The following MTAP variants were observed in gnomAD, a reference collection of about 807,000 sequenced individuals.
The protein encoded by MTAP is S-methyl-5'-thioadenosine phosphorylase.
In MTAP, 33 loss-of-function variants were observed where a neutral mutation model predicts 33.6. That is an observed-to-expected ratio of 0.98 (90% CI 0.74 to 1.31). The LOEUF is 1.31. MTAP is among the 40% of genes most tolerant of loss of function. MTAP has a pLI of 0.00. For synonymous variants in MTAP, 148 were observed against 125.7 expected (o/e 1.18, Z -1.19); for missense variants, 367 against 360.0 (o/e 1.02, Z -0.16).
At chr9:21,894,905 C>T (rs1000677890) in intron 1 of MTAP, among the ~76,000 whole-genome samples, 6 of 151,808 alleles carry the variant, frequency 4.0e-5, no homozygotes, top group Non-Finnish European at 7.4e-5. Context: ...AGAGCCAAAT[C>T]GTGAATGCAG....
At chr9:21,853,777 G>A (rs576562922) in intron 5 of MTAP, among the ~76,000 whole-genome samples, 2 of 152,152 alleles carry the variant, frequency 1.3e-5, no homozygotes, top group African/African-American at 2.4e-5. Flanking sequence ...TGAATTATGC[G>A]ATATCATTAT....
chr9:21,859,463 ACT>A, intron 7 of MTAP, 38 bp downstream of exon 7: 4 of 1,576,126 alleles, frequency 2.5e-6, no homozygotes, highest in Non-Finnish European at 3.4e-6. Context: ...ATGTCTGTAG[ACT>A]CTCTATTGTC....
At chr9:21,890,880 C>G (rs183692453) in intron 1 of MTAP, among the ~76,000 whole-genome samples, 4 of 152,186 alleles carry the variant, frequency 2.6e-5, no homozygotes, top group African/African-American at 4.8e-5. Flanking sequence ...TTCTTGTGGT[C>G]GTTCTTGGAG....
chr9:21,915,158 C>T (rs1348943739), intron 1 of MTAP, among the ~76,000 whole-genome samples: 1 of 151,296 alleles, frequency 6.6e-6, no homozygotes, highest in African/African-American at 2.4e-5. Flanking sequence ...TCTTGGCTCA[C>T]TGCAAGCTCC....
intron 1 of MTAP, among the ~76,000 whole-genome samples, chr9:21,903,741 C>T (rs1487939686): frequency 6.6e-6 from 1 of 152,152 alleles, no homozygotes; most frequent in Non-Finnish European, 1.5e-5. Flanking sequence ...CGCTGCTGCT[C>T]AAACCTCTAG....
chr9:21,856,204 A>G (rs1825639504), intron 6 of MTAP: 2 of 984,870 alleles, frequency 2.0e-6, no homozygotes, highest in African/African-American at 3.5e-5. Context: ...TTTAGGGGTG[A>G]CTTTCTGAGC....
chr9:21,858,145 T>G (rs886831624), intron 6 of MTAP, among the ~76,000 whole-genome samples: 1 of 152,220 alleles, frequency 6.6e-6, no homozygotes, highest in Middle Eastern at 3.2e-3. Context: ...TTTTCTTTAG[T>G]AGCTGGAATA....
intron 1 of MTAP, among the ~76,000 whole-genome samples, chr9:21,919,027 C>G (rs1408230230): frequency 6.6e-6 from 1 of 152,060 alleles, no homozygotes; most frequent in East Asian, 1.9e-4. Context: ...CCATCAAACA[C>G]TATTGATAGG....
chr9:21,874,516 A>G (rs1454219169), intron 1 of MTAP, among the ~76,000 whole-genome samples: 1 of 152,000 alleles, frequency 6.6e-6, no homozygotes, highest in African/African-American at 2.4e-5. Context: ...AATGTTTCTT[A>G]AGTTGCTGTA....
Position 21,807,063 on chromosome 9 carries a change from C to G in MTAP, c.33+4282C>G, listed in dbSNP as rs577599020. Among the ~76,000 whole-genome samples the G allele has an allele frequency of 1.4e-4, 22 of 152,242 alleles. No individual in the cohort carries two copies. The South Asian group carries it at 2.7e-3, about 19-fold the overall frequency. On this transcript the variant is annotated intron_variant, in intron 1 of 7. Transcript: ENST00000644715. ...CATGTAATCCCAGCTACTCAGGAGGCCAAGGTGGGCGAATCTCTTGAGCCC... is the reference window on the plus strand; with the variant it reads ...CATGTAATCCCAGCTACTCAGGAGGGCAAGGTGGGCGAATCTCTTGAGCCC...
intron 5 of MTAP, among the ~76,000 whole-genome samples, chr9:21,838,821 A>G (rs1286133068): frequency 6.6e-6 from 1 of 152,264 alleles, no homozygotes; most frequent in African/African-American, 2.4e-5. Context: ...GTGCAACTCA[A>G]AAGATCAGAA....
chr9:21,870,849 C>G (rs536535524), downstream of MTAP, among the ~76,000 whole-genome samples: 3 of 149,570 alleles, frequency 2.0e-5, no homozygotes, highest in Admixed American at 2.0e-4. Flanking sequence ...TCTCGGCTCA[C>G]TGCAACCTCT....
At chr9:21,930,914 T>A (rs948709059) in intron 1 of MTAP, 3 of 644,710 alleles carry the variant, frequency 4.7e-6, no homozygotes, top group Non-Finnish European at 8.4e-6. Flanking sequence ...TTCTTCCCTT[T>A]TTAGGCCCAC....
chr9:21,864,787 A>C lies in MTAP; in HGVS notation c.*2773A>C, dbSNP rs1184814561. ...GGTGACCTCCAACCTGCCCTGAGCC[A>C]GCTGCCCTGCAGGTGCCACGTGAGC... On this transcript the variant is annotated 3_prime_UTR_variant, in exon 8 of 8. Coordinates refer to ENST00000644715, the MANE Select transcript of MTAP (RefSeq NM_002451.4). The C allele has an allele frequency of 1.0e-6, 1 of 985,392 alleles. No homozygotes were observed. The highest frequency in any genetic ancestry group is 1.2e-6 in the Non-Finnish European group (1 of 829,998). The allele number at this position is 985,392 out of a possible 1,614,324, so 61.0% of individuals were successfully genotyped here. A position where few individuals can be genotyped will look rare whatever the true frequency, so the allele number is the denominator to read the frequency against.
rs140513927 is a variant in MTAP, at chr9:21,910,203, A to G, written c.148-20805A>G. Among the ~76,000 whole-genome samples the G allele has an allele frequency of 1.8e-3, 277 of 152,312 alleles. 2 individuals carry two copies. The highest frequency in any genetic ancestry group is 6.4e-3 in the African/African-American group (268 of 41,570). Reference sequence around the variant, plus strand: ...TAAAAATATGTATAAAACACTTACAATGGGCCAGGCATTGTTCTAAGTAGA... The same window carrying G: ...TAAAAATATGTATAAAACACTTACAGTGGGCCAGGCATTGTTCTAAGTAGA... On this transcript the variant is annotated intron_variant, in intron 1 of 1. Coordinates refer to the MTAP transcript ENST00000577563.
intron 1 of MTAP, chr9:21,893,458 A>C (rs1450688378): frequency 6.6e-6 from 1 of 152,220 alleles, no homozygotes; most frequent in Non-Finnish European, 1.5e-5. Context: ...CATCAATGAA[A>C]CCAAACGTTG....
chr9:21,936,531 A>G (rs1400317412), exon 8 of MTAP: 1 of 152,262 alleles, frequency 6.6e-6, no homozygotes, highest in Non-Finnish European at 1.5e-5. Flanking sequence ...AAATGCTGAA[A>G]CATTAATTGC....
chr9:21,850,560 T>C (rs899191407), intron 5 of MTAP, among the ~76,000 whole-genome samples: 1 of 152,180 alleles, frequency 6.6e-6, no homozygotes, highest in Non-Finnish European at 1.5e-5. Context: ...CAGATAAGGA[T>C]GCTGTTTGGA....
At chr9:21,868,749 C>G (rs1825892410), downstream of MTAP, among the ~76,000 whole-genome samples, 2 of 152,130 alleles carry the variant, frequency 1.3e-5, no homozygotes, top group African/African-American at 4.8e-5. Context: ...CTTTCAAGAC[C>G]CCCCTCTGCT....
Sources: allele counts gnomAD v4.1 joint callset (sites outside exome capture counted in the v4.1 genomes callset), GRCh38; gene constraint gnomAD v4.1.1; transcripts MANE v1.5; gene names NCBI Gene and HGNC (gene_info 2026-07-23, HGNC 2026-07-21).